The following HCN1 variants were observed in gnomAD, a reference collection of about 807,000 sequenced individuals.
The protein encoded by HCN1 is hyperpolarization activated cyclic nucleotide gated potassium channel 1.
HCN1 carries 13 observed loss-of-function variants against 78.9 expected under a neutral mutation model. That is an observed-to-expected ratio of 0.16 (90% CI 0.11 to 0.26). The LOEUF (loss-of-function observed/expected upper bound fraction) is 0.26. Ranked by LOEUF, HCN1 falls within the 10% of genes least tolerant of loss-of-function variation. The pLI is 1.00. For synonymous variants in HCN1, 552 were observed against 455.5 expected (o/e 1.21, Z -2.70); for missense variants, 810 against 1,154.3 (o/e 0.70, Z 4.32).
chr5:45,322,521 G>A (rs1746145153), intron 5 of HCN1, among the ~76,000 whole-genome samples: 1 of 151,800 alleles, frequency 6.6e-6, no homozygotes. Context: ...TAGAATATTT[G>A]CATATCCCAA....
intron 2 of HCN1, among the ~76,000 whole-genome samples, chr5:45,582,195 C>G (rs546988377): frequency 1.3e-5 from 2 of 152,112 alleles, no homozygotes; most frequent in African/African-American, 4.8e-5. Flanking sequence ...CTTTTATTTC[C>G]TTGAGCAGTG....
chr5:45,504,454 A>T (rs890682149), intron 2 of HCN1, among the ~76,000 whole-genome samples: 2 of 152,132 alleles, frequency 1.3e-5, no homozygotes, highest in African/African-American at 4.8e-5. Context: ...GCTGCATAGT[A>T]TTCCATGGTG....
chr5:45,391,507 A>G (rs1347030067), intron 4 of HCN1, among the ~76,000 whole-genome samples: 1 of 152,138 alleles, frequency 6.6e-6, no homozygotes, highest in Non-Finnish European at 1.5e-5. Flanking sequence ...ATTACTCCAA[A>G]CTGTTCCTCT....
intron 1 of HCN1, among the ~76,000 whole-genome samples, chr5:45,650,076 C>G (rs1203530033): frequency 6.6e-6 from 1 of 151,902 alleles, no homozygotes; most frequent in African/African-American, 2.4e-5. Context: ...TCATCCTGCC[C>G]CAGAGAAAAA....
intron 2 of HCN1, among the ~76,000 whole-genome samples, chr5:45,607,058 C>T (rs534680642): frequency 8.2e-4 from 125 of 151,612 alleles, no homozygotes; most frequent in African/African-American, 2.7e-3. Context: ...TTAAAATTAC[C>T]ATATGAAATA....
chr5:45,593,237 C>G (rs1443302518), intron 2 of HCN1, among the ~76,000 whole-genome samples: 1 of 148,018 alleles, frequency 6.8e-6, no homozygotes, highest in East Asian at 2.0e-4. Context: ...CACACACAGA[C>G]ACACACAAAC....
At chr5:45,563,072 T>C (rs1418182174) in intron 2 of HCN1, among the ~76,000 whole-genome samples, 1 of 152,244 alleles carries the variant, frequency 6.6e-6, no homozygotes, top group Admixed American at 6.5e-5. Context: ...AAACAGTCCC[T>C]TAATAAACCT....
At chr5:45,615,067 AAAAAC>A (rs573953193) in intron 2 of HCN1, among the ~76,000 whole-genome samples, 5 of 152,112 alleles carry the variant, frequency 3.3e-5, no homozygotes, top group Admixed American at 2.0e-4. Flanking sequence ...TTTCTGAGCT[AAAAAC>A]AAAACAAAAC....
chr5:45,640,590 T>C (rs1445704822), intron 2 of HCN1, among the ~76,000 whole-genome samples: 3 of 151,826 alleles, frequency 2.0e-5, no homozygotes, highest in Admixed American at 2.0e-4. Flanking sequence ...TTTTTTTTTT[T>C]TTTGACGGAG....
In HCN1 at chr5:45,257,542, C is replaced by A. The variant is rs1037554725; in HGVS notation, c.*4379G>T. ...TGGGATGCGGGGAGTGTCAGCAAGGCTTCTCTCATTAAAAAACCTTAAAAT... is the reference window on the plus strand; with the variant it reads ...TGGGATGCGGGGAGTGTCAGCAAGGATTCTCTCATTAAAAAACCTTAAAAT... On this transcript the variant is annotated 3_prime_UTR_variant, in exon 8 of 8. Transcript: ENST00000303230. 1 of 152,092 alleles carries A rather than the reference C, an allele frequency of 6.6e-6. No individual in the cohort carries two copies. Among genetic ancestry groups the A allele is most frequent in the African/African-American group, 2.4e-5 (1 of 41,404 alleles). The allele number at this position is 152,092 out of a possible 1,614,324, so 9.4% of individuals were successfully genotyped here.
chr5:45,577,282 A>G (rs987366407), intron 2 of HCN1, among the ~76,000 whole-genome samples: 2 of 152,116 alleles, frequency 1.3e-5, no homozygotes, highest in Non-Finnish European at 1.5e-5. Flanking sequence ...AGAAATTAGA[A>G]CAAGACGAAA....
chr5:45,574,056 G>A (rs1177021361), intron 2 of HCN1, among the ~76,000 whole-genome samples: 1 of 151,852 alleles, frequency 6.6e-6, no homozygotes, highest in Admixed American at 6.6e-5. Flanking sequence ...ATGGTAAAAG[G>A]GAAGTATATG....
chr5:45,649,734 T>C (rs997218283), intron 1 of HCN1, among the ~76,000 whole-genome samples: 3 of 152,128 alleles, frequency 2.0e-5, no homozygotes, highest in African/African-American at 7.2e-5. Context: ...TTTTCTGCTA[T>C]AAGATAGATA....
chr5:45,350,505 G>A (rs1048019544), intron 5 of HCN1, among the ~76,000 whole-genome samples: 1 of 151,842 alleles, frequency 6.6e-6, no homozygotes, highest in Non-Finnish European at 1.5e-5. Flanking sequence ...ATTCAACATA[G>A]TGTTGGAAGT....
chr5:45,615,326 T>C (rs1043866125), intron 2 of HCN1, among the ~76,000 whole-genome samples: 5 of 152,056 alleles, frequency 3.3e-5, no homozygotes, highest in Admixed American at 6.6e-5. Context: ...AAGTAAAGTA[T>C]AAACATTCAT....
At chr5:45,486,225 A>G (rs886261570) in intron 2 of HCN1, among the ~76,000 whole-genome samples, 4 of 152,140 alleles carry the variant, frequency 2.6e-5, no homozygotes, top group African/African-American at 9.6e-5. Context: ...AGAATGTCTG[A>G]CTAGTCTCCC....
chr5:45,316,365 C>A (rs575600604), intron 5 of HCN1, among the ~76,000 whole-genome samples: 1 of 152,090 alleles, frequency 6.6e-6, no homozygotes, highest in African/African-American at 2.4e-5. Context: ...ATTCAACACC[C>A]CTTCATGCTA....
intron 5 of HCN1, among the ~76,000 whole-genome samples, chr5:45,324,289 G>C (rs1187849675): frequency 1.3e-5 from 2 of 151,776 alleles, no homozygotes; most frequent in Non-Finnish European, 2.9e-5. Context: ...AATCTACAAT[G>C]AACTCAAACA....
chr5:45,676,016 A>C (rs1746258956), intron 1 of HCN1, among the ~76,000 whole-genome samples: 1 of 151,816 alleles, frequency 6.6e-6, no homozygotes, highest in Admixed American at 6.6e-5. Context: ...CAAATATGGA[A>C]CTGTCCATTG....
Sources: gnomAD v4.1 joint callset for allele counts (sites outside exome capture counted in the v4.1 genomes callset) on GRCh38, gnomAD v4.1.1 for gene constraint, MANE v1.5 for transcripts, NCBI Gene and HGNC (gene_info 2026-07-23, HGNC 2026-07-21) for gene names.